The following PTH2R variants were observed in gnomAD, a reference collection of about 807,000 sequenced individuals.
PTH2R encodes the protein parathyroid hormone 2 receptor, also known as PTH2 receptor.
PTH2R carries 59 observed loss-of-function variants against 60.3 expected under a neutral mutation model. That is an observed-to-expected ratio of 0.98 (90% CI 0.79 to 1.22). The LOEUF (loss-of-function observed/expected upper bound fraction) is 1.22. Ranked by LOEUF, PTH2R falls within the 50% of genes most tolerant of loss-of-function variation. The pLI is 0.00. For synonymous variants in PTH2R, 256 were observed against 243.8 expected (o/e 1.05, Z -0.47); for missense variants, 749 against 682.6 (o/e 1.10, Z -1.08).
intron 9 of PTH2R, among the ~76,000 whole-genome samples, chr2:208,478,804 C>T (rs3769515): frequency 0.61 from 91,957 of 151,926 alleles, 29,361 homozygotes; most frequent in Admixed American, 0.7. Context: ...AAGGCCCTGC[C>T]GCTTGCTAGC....
intron 1 of PTH2R, among the ~76,000 whole-genome samples, chr2:208,410,025 C>CA (rs1356504852): frequency 6.6e-6 from 1 of 151,996 alleles, no homozygotes; most frequent in Non-Finnish European, 1.5e-5. Flanking sequence ...TTTTCCAACT[C>CA]AAAGGAGAAC....
Position 208,493,591 on chromosome 2 carries a change from C to A in PTH2R, c.1585C>A (p.Pro529Thr), listed in dbSNP as rs770401709. Residue 529 changes from proline to threonine, a missense_variant, in exon 13 of 13, where the codon CCT becomes ACT. Pro to Thr is a conservative substitution (Grantham distance 38). Transcript: ENST00000272847. ...GGGAGATGATATTCTAATGGAGAAG[C>A]CTTCCAGGCCTATGGAATCTAACCC... ...RQGDDILMEK[P>T]SRPMESNPDT... 8 of 1,608,014 alleles carry A rather than the reference C, an allele frequency of 5.0e-6. No homozygotes were observed. In the Admixed American group the frequency reaches 5.0e-5, roughly 10 times the overall value.
chr2:208,406,432 G>T (rs141435263), upstream of PTH2R, among the ~76,000 whole-genome samples: 2 of 152,282 alleles, frequency 1.3e-5, no homozygotes, highest in African/African-American at 4.8e-5. Flanking sequence ...CCAGCGAACA[G>T]CCCAGACGCA....
At chr2:208,483,968 T>A (rs1457961563) in intron 10 of PTH2R, among the ~76,000 whole-genome samples, 5 of 152,204 alleles carry the variant, frequency 3.3e-5, no homozygotes, top group Non-Finnish European at 4.4e-5. Flanking sequence ...GAAAATTAAA[T>A]CTGTGTCCCT....
At chr2:208,375,553 T>A (rs2125872739) in intron 1 of PTH2R, among the ~76,000 whole-genome samples, 1 of 152,266 alleles carries the variant, frequency 6.6e-6, no homozygotes, top group African/African-American at 2.4e-5. Flanking sequence ...GACATGCTTG[T>A]TTTCCCTTTA....
In PTH2R at chr2:208,393,541, T is replaced by G. The variant is rs1048955474; in HGVS notation, c.-259+33304T>G. 5.3e-5 allele frequency among the ~76,000 whole-genome samples: 8 copies of G among 152,302 alleles called. No homozygotes were observed. The South Asian group carries it at 1.0e-3, about 20-fold the overall frequency. ...CTTCCCTTCCTAGTGGAATGGAGTTTCCACCTCTTCCTCACCTTCCCTCTC... is the reference window on the plus strand; with the variant it reads ...CTTCCCTTCCTAGTGGAATGGAGTTGCCACCTCTTCCTCACCTTCCCTCTC... On this transcript the variant is annotated intron_variant, in intron 1 of 12. Transcript: ENST00000617735.
intron 1 of PTH2R, among the ~76,000 whole-genome samples, chr2:208,378,486 A>C (rs1027965953): frequency 6.6e-6 from 1 of 152,084 alleles, no homozygotes; most frequent in Non-Finnish European, 1.5e-5. Flanking sequence ...CATAGGTTGA[A>C]ATCTTAGCCC....
Position 208,450,806 on chromosome 2 carries a change from C to G in PTH2R, c.911C>G (p.Ala304Gly). The part of the protein sequence containing the change: ...WAVARATLAD[A>G]RCWELSAGDI... Reference sequence around the variant, plus strand: ...GTGGCACGAGCAACTCTGGCTGATGCGAGGTGAGTGAAAAGGCAGGGGAAA... The same window carrying G: ...GTGGCACGAGCAACTCTGGCTGATGGGAGGTGAGTGAAAAGGCAGGGGAAA... The change falls in exon 8 of 13, where the codon GCG (alanine) becomes GGG (glycine). Residue 304 changes from alanine (A) to glycine (G), a missense_variant. By Grantham distance (60) the Ala-to-Gly change is moderately conservative (BLOSUM62 0). Transcript: ENST00000272847. 6 of 1,613,728 alleles carry G rather than the reference C, an allele frequency of 3.7e-6. No homozygotes were observed. The highest frequency in any genetic ancestry group is 2.2e-5 in the East Asian group (1 of 44,872).
At chr2:208,360,449 G>T (rs1462035170) in intron 1 of PTH2R, among the ~76,000 whole-genome samples, 1 of 152,182 alleles carries the variant, frequency 6.6e-6, no homozygotes, top group Non-Finnish European at 1.5e-5. Context: ...CATGCCTGGG[G>T]CGCAGAACCG....
intron 1 of PTH2R, among the ~76,000 whole-genome samples, chr2:208,397,467 C>T (rs1452118503): frequency 1.3e-5 from 2 of 152,088 alleles, no homozygotes; most frequent in African/African-American, 2.4e-5. Context: ...CTTGGTCTTG[C>T]ACCGGTTTGA....
intron 9 of PTH2R, among the ~76,000 whole-genome samples, chr2:208,471,718 C>T (rs977016649): frequency 6.6e-5 from 10 of 152,216 alleles, no homozygotes; most frequent in Non-Finnish European, 1.3e-4. Context: ...TAATGGGGCA[C>T]TGCCTAGTGG....
intron 9 of PTH2R, among the ~76,000 whole-genome samples, chr2:208,476,897 G>A (rs907333227): frequency 2.0e-5 from 3 of 152,164 alleles, no homozygotes; most frequent in Non-Finnish European, 4.4e-5. Context: ...GATGCTGAAG[G>A]GTAGGCTCCT....
intron 1 of PTH2R, among the ~76,000 whole-genome samples, chr2:208,416,510 T>G (rs551232707): frequency 1.4e-4 from 22 of 152,336 alleles, no homozygotes; most frequent in African/African-American, 3.6e-4. Context: ...AAGCTTACTA[T>G]GATTTTTCTG....
chr2:208,404,360 A>C (rs1312943248), upstream of PTH2R, among the ~76,000 whole-genome samples: 1 of 152,160 alleles, frequency 6.6e-6, no homozygotes, highest in Admixed American at 6.5e-5. Context: ...TGAATTTAAC[A>C]ATTTTCTTTA....
At chr2:208,362,488 T>C (rs184338134) in intron 1 of PTH2R, among the ~76,000 whole-genome samples, 21 of 152,332 alleles carry the variant, frequency 1.4e-4, no homozygotes, top group African/African-American at 5.1e-4. Context: ...TCTAATCATC[T>C]AATATAGATG....
chr2:208,401,338 A>G (rs985491261), intron 1 of PTH2R, among the ~76,000 whole-genome samples: 2 of 152,050 alleles, frequency 1.3e-5, no homozygotes, highest in African/African-American at 4.8e-5. Flanking sequence ...ACATGAGGAG[A>G]GTTAGGATTA....
At position 208,401,311 on chromosome 2, in the gene PTH2R, A is replaced by C. The variant is rs76914806; in HGVS notation, c.-258-26890A>C. Among the ~76,000 whole-genome samples the C allele has an allele frequency of 3.4e-3, 513 of 152,228 alleles. 3 individuals carry two copies. The highest frequency in any genetic ancestry group is 0.012 in the African/African-American group (496 of 41,550). Reference sequence around the variant, plus strand: ...CCCTACCTGCCACCTGTATGTTCCAATGTTACCTGAAATGGAACATGAGGA... The same window carrying C: ...CCCTACCTGCCACCTGTATGTTCCACTGTTACCTGAAATGGAACATGAGGA... On this transcript the variant is annotated intron_variant, in intron 1 of 12. Transcript: ENST00000617735.
rs115482019 is a variant in PTH2R at position 208,461,659 on chromosome 2, T to C, written c.981+1698T>C. ...GAAGGACCTATTGAAATGCAAGAGA[T>C]CCTTGTAAAATTATCAGGAATTGAA... is the stretch of plus-strand genomic sequence containing the variant. On this transcript the variant is annotated intron_variant, in intron 9 of 12. Transcript: ENST00000272847. 6.8e-3 allele frequency among the ~76,000 whole-genome samples: 1,029 copies of C among 152,302 alleles called. 16 individuals carry two copies. Among genetic ancestry groups the C allele is most frequent in the African/African-American group, 0.023 (956 of 41,574 alleles).
In PTH2R at chr2:208,459,922, C is replaced by G. The variant is rs1389517432; in HGVS notation, c.942C>G (p.Ile314Met). The G allele has an allele frequency of 1.2e-6, 2 of 1,612,940 alleles. No homozygotes were observed. The highest frequency in any genetic ancestry group is 1.3e-5 in the African/African-American group (1 of 74,910). Residue 314 changes from isoleucine to methionine, a missense_variant, in exon 9 of 13, where the codon ATC (isoleucine) becomes ATG (methionine). Transcript: ENST00000272847. ...GCTGGGAACTTAGTGCTGGAGACAT[C>G]AAGTGGATTTATCAAGCACCGATCT... ...ARCWELSAGD[I>M]KWIYQAPILA... is the part of the protein sequence containing the mutation.
Sources: allele counts gnomAD v4.1 joint callset (sites outside exome capture counted in the v4.1 genomes callset), GRCh38; gene constraint gnomAD v4.1.1; transcripts MANE v1.5; gene names NCBI Gene and HGNC (gene_info 2026-07-23, HGNC 2026-07-21).